Variants in SNX9 observed in about 807,000 individuals in gnomAD.
SNX9 encodes the protein sorting nexin 9.
Under a neutral mutation model 89.4 loss-of-function variants are expected in SNX9, and 44 were observed. That is an observed-to-expected ratio of 0.49 (90% CI 0.39 to 0.63). The LOEUF is 0.63. SNX9 is among the 30% of genes least tolerant of loss of function. The pLI, the probability that SNX9 is intolerant of heterozygous loss-of-function variation, is 0.00. For synonymous variants in SNX9, 236 were observed against 247.8 expected (o/e 0.95, Z 0.45); for missense variants, 578 against 736.1 (o/e 0.79, Z 2.49).
intron 16 of SNX9, 21 bp from the exon 17 acceptor site, chr6:157,940,859 TTGA>T: frequency 6.2e-7 from 1 of 1,604,302 alleles, no homozygotes; most frequent in Non-Finnish European, 8.5e-7. Flanking sequence ...GGAAAACTGA[TTGA>T]TGTTCTGATT....
intron 7 of SNX9, among the ~76,000 whole-genome samples, chr6:157,906,760 C>T (rs1322761397): frequency 6.6e-6 from 1 of 152,108 alleles, no homozygotes; most frequent in African/African-American, 2.4e-5. Flanking sequence ...TGACACAAGC[C>T]CTTCGGTTTC....
intron 2 of SNX9, 44 bp from the exon 3 acceptor site, chr6:157,873,058 A>C (rs758137486): frequency 6.7e-7 from 1 of 1,490,526 alleles, no homozygotes; most frequent in Non-Finnish European, 9.0e-7. Flanking sequence ...GGAAATCTCA[A>C]CTGTAATCTT....
intron 1 of SNX9, among the ~76,000 whole-genome samples, chr6:157,834,630 C>T (rs1781549453): frequency 6.6e-6 from 1 of 152,088 alleles, no homozygotes; most frequent in South Asian, 2.1e-4. Context: ...ATTGTGATTA[C>T]AGCCTCCCAA....
At chr6:157,865,744 T>G (rs117242059) in intron 1 of SNX9, among the ~76,000 whole-genome samples, 1,695 of 152,360 alleles carry the variant, frequency 0.011, 12 homozygotes, top group Non-Finnish European at 0.016. Flanking sequence ...TTTTTCTTAG[T>G]CTGTTATCAC....
chr6:157,859,295 C>CT (rs1310292125), intron 1 of SNX9, among the ~76,000 whole-genome samples: 2 of 152,108 alleles, frequency 1.3e-5, no homozygotes, highest in Non-Finnish European at 2.9e-5. Context: ...TTTAATGTTT[C>CT]TTTATGGAAA....
intron 13 of SNX9, among the ~76,000 whole-genome samples, chr6:157,935,758 G>T (rs780495142): frequency 2.0e-5 from 3 of 152,156 alleles, no homozygotes; most frequent in Non-Finnish European, 4.4e-5. Context: ...AAAGCGGGTC[G>T]GGGTGTAGAC....
At chr6:157,849,539 G>C (rs1305917589) in intron 1 of SNX9, among the ~76,000 whole-genome samples, 2 of 152,212 alleles carry the variant, frequency 1.3e-5, no homozygotes, top group African/African-American at 4.8e-5. Context: ...AGGCGCAGCA[G>C]GTGTGCAGAG....
At chr6:157,844,616 CAG>C (rs1443088867) in intron 1 of SNX9, among the ~76,000 whole-genome samples, 3 of 115,380 alleles carry the variant, frequency 2.6e-5, no homozygotes, top group Non-Finnish European at 5.2e-5. Context: ...TTTTTTGAGA[CAG>C]AGTCTCACTC....
intron 14 of SNX9, among the ~76,000 whole-genome samples, chr6:157,936,976 TAAA>T (rs1272372915): frequency 6.7e-6 from 1 of 149,712 alleles, no homozygotes; most frequent in Non-Finnish European, 1.5e-5. Flanking sequence ...CTGATACTTC[TAAA>T]AAAGCATTCA....
chr6:157,930,591 G>T (rs1562622410), intron 12 of SNX9, among the ~76,000 whole-genome samples: 1 of 152,182 alleles, frequency 6.6e-6, no homozygotes, highest in Admixed American at 6.5e-5. Flanking sequence ...CAGATCAGCG[G>T]TGGCATTAGA....
At chr6:157,843,848 T>C (rs1781748462) in intron 1 of SNX9, among the ~76,000 whole-genome samples, 1 of 151,944 alleles carries the variant, frequency 6.6e-6, no homozygotes, top group Admixed American at 6.6e-5. Flanking sequence ...AATTCTAGAT[T>C]TTAAAAAATT....
chr6:157,920,703 G>A (rs1319932986), intron 9 of SNX9, among the ~76,000 whole-genome samples: 1 of 152,212 alleles, frequency 6.6e-6, no homozygotes, highest in Non-Finnish European at 1.5e-5. Flanking sequence ...GGTAGGGTTA[G>A]CTGATCTCTC....
chr6:157,872,969 C>A (rs762142354), intron 2 of SNX9, 133 bp from the exon 3 acceptor site: 1 of 524,064 alleles, frequency 1.9e-6, no homozygotes, highest in Non-Finnish European at 3.1e-6. Flanking sequence ...AGATTTTGAA[C>A]GGTGTTCTCT....
intron 9 of SNX9, 89 bp from the exon 10 acceptor site, chr6:157,921,442 A>T: frequency 7.4e-7 from 1 of 1,357,664 alleles, no homozygotes; most frequent in Non-Finnish European, 1.0e-6. Context: ...AATAGCCAGT[A>T]GACATAGAAA....
intron 16 of SNX9, among the ~76,000 whole-genome samples, chr6:157,939,112 G>A (rs1005892552): frequency 3.3e-5 from 5 of 151,922 alleles, no homozygotes; most frequent in Admixed American, 1.3e-4. Context: ...GGGTTTGGGT[G>A]TGTCATTTTA....
chr6:157,921,449 G>C, intron 9 of SNX9, 82 bp from the exon 10 acceptor site: 4 of 1,443,610 alleles, frequency 2.8e-6, no homozygotes, highest in Non-Finnish European at 3.8e-6. Context: ...AGTAGACATA[G>C]AAATGGTTTT....
Position 157,935,961 on chromosome 6 carries a change from C to T in SNX9, c.1367-3C>T, listed in dbSNP as rs1783915215. The T allele has an allele frequency of 6.2e-7, 1 of 1,602,814 alleles. No individual in the cohort carries two copies. Among genetic ancestry groups the T allele is most frequent in the South Asian group, 1.1e-5 (1 of 87,948 alleles). ...AACCACTGATAAAATTGATCATTTT[C>T]AGGTGAAACAGATCTCAATGATGCA... On this transcript the variant is annotated splice_region_variant and splice_polypyrimidine_tract_variant and intron_variant, in intron 13 of 17. Transcript: ENST00000392185.
chr6:157,869,998 C>G (rs1326275334), intron 2 of SNX9, among the ~76,000 whole-genome samples: 1 of 151,986 alleles, frequency 6.6e-6, no homozygotes. Flanking sequence ...TCACTCTCAC[C>G]TCTCATGCAC....
At chr6:157,870,011 CCA>C (rs1240364193) in intron 2 of SNX9, among the ~76,000 whole-genome samples, 1 of 152,014 alleles carries the variant, frequency 6.6e-6, no homozygotes, top group Non-Finnish European at 1.5e-5. Flanking sequence ...TCATGCACAC[CCA>C]CAGTCGCATG....
Sources: gnomAD v4.1 joint callset for allele counts (sites outside exome capture counted in the v4.1 genomes callset) on GRCh38, gnomAD v4.1.1 for gene constraint, MANE v1.5 for transcripts, NCBI Gene and HGNC (gene_info 2026-07-23, HGNC 2026-07-21) for gene names.